The following CDK6 variants were observed in gnomAD, a reference collection of about 807,000 sequenced individuals.
CDK6 encodes the protein cyclin-dependent kinase 6.
CDK6 carries 6 observed loss-of-function variants against 37.1 expected under a neutral mutation model. The observed-to-expected ratio is 0.16, with a 90% CI of 0.09 to 0.32. CDK6 has a LOEUF of 0.32. Ranked by LOEUF, CDK6 falls within the 10% of genes least tolerant of loss-of-function variation. CDK6 has a pLI of 1.00. For missense variants in CDK6, 224 were observed against 418.9 expected (o/e 0.53, Z 4.06); for synonymous variants, 160 against 161.3 (o/e 0.99, Z 0.06).
chr7:92,644,578 A>C (rs1222751068), intron 5 of CDK6, among the ~76,000 whole-genome samples: 1 of 152,170 alleles, frequency 6.6e-6, no homozygotes, highest in Non-Finnish European at 1.5e-5. Flanking sequence ...GGCTTGTGAA[A>C]TCTGCTCCTG....
chr7:92,810,419 C>G (rs1800846023), intron 2 of CDK6, among the ~76,000 whole-genome samples: 2 of 152,344 alleles, frequency 1.3e-5, no homozygotes, highest in South Asian at 4.1e-4. Context: ...ACTCTGCCAG[C>G]AGACAGTTGA....
intron 4 of CDK6, among the ~76,000 whole-genome samples, chr7:92,672,361 C>T (rs1797110961): frequency 6.6e-6 from 1 of 151,340 alleles, no homozygotes; most frequent in South Asian, 2.1e-4. Context: ...AACCCCTCTC[C>T]ATGATGCTCT....
chr7:92,707,956 T>C lies in CDK6; in HGVS notation c.537+17670A>G, dbSNP rs996014545. Among the ~76,000 whole-genome samples, 4 of 152,288 alleles carry C rather than the reference T, an allele frequency of 2.6e-5. 1 individual carries two copies. The highest frequency in any genetic ancestry group is 2.6e-4 in the Admixed American group (4 of 15,280). ...TGAAATTTTTAGGCATATTTAGTTG[T>C]TTAAAAAATCCTCAAACTGAACAGA... On this transcript the variant is annotated intron_variant, in intron 4 of 7. Coordinates refer to ENST00000424848, the MANE Select transcript of CDK6 (RefSeq NM_001145306.2).
chr7:92,793,128 G>A (rs536287323), intron 2 of CDK6, among the ~76,000 whole-genome samples: 132 of 152,136 alleles, frequency 8.7e-4, no homozygotes, highest in African/African-American at 3.1e-3. Flanking sequence ...AAGGACATCC[G>A]TATTCATGGA....
intron 4 of CDK6, among the ~76,000 whole-genome samples, chr7:92,707,171 A>C (rs1232373485): frequency 1.3e-5 from 2 of 152,206 alleles, no homozygotes; most frequent in Admixed American, 6.5e-5. Flanking sequence ...CTATTACATA[A>C]TTTAATTATA....
rs574008632 is a variant in CDK6 at position 92,626,888 on chromosome 7, A to G, written c.648-3802T>C. On this transcript the variant is annotated intron_variant, in intron 5 of 7. Transcript: ENST00000424848. ...TAGTTTTAAATATTTTCCTTGTATAATAAAATTATATAAAACATTTCACTG... is the reference window on the plus strand; with the variant it reads ...TAGTTTTAAATATTTTCCTTGTATAGTAAAATTATATAAAACATTTCACTG... 2.0e-5 allele frequency among the ~76,000 whole-genome samples: 3 copies of G among 152,236 alleles called. 1 individual carries two copies. The South Asian group carries it at 6.2e-4, about 32-fold the overall frequency.
At chr7:92,764,043 T>C (rs1160355010) in intron 3 of CDK6, among the ~76,000 whole-genome samples, 1 of 152,054 alleles carries the variant, frequency 6.6e-6, no homozygotes, top group African/African-American at 2.4e-5. Flanking sequence ...TTGCAAAATC[T>C]GTTGGGTTTA....
chr7:92,625,532 C>CAAA (rs67461662), intron 5 of CDK6, among the ~76,000 whole-genome samples: 6 of 142,708 alleles, frequency 4.2e-5, no homozygotes, highest in Admixed American at 7.1e-5. Context: ...TGCAGTTTTG[C>CAAA]AAAAAAAAAC....
intron 7 of CDK6, among the ~76,000 whole-genome samples, chr7:92,616,696 G>A (rs937980090): frequency 6.6e-6 from 1 of 152,172 alleles, no homozygotes; most frequent in Admixed American, 6.5e-5. Flanking sequence ...TAGGAAAGAA[G>A]AGAAAAGAGC....
At chr7:92,785,235 A>C (rs373184273) in intron 2 of CDK6, among the ~76,000 whole-genome samples, 68 of 152,370 alleles carry the variant, frequency 4.5e-4, no homozygotes, top group African/African-American at 1.5e-3. Flanking sequence ...ACATGCTATG[A>C]CATGGATAAA....
At chr7:92,725,074 G>A (rs1285243865) in intron 4 of CDK6, 13 of 985,236 alleles carry the variant, frequency 1.3e-5, no homozygotes, top group South Asian at 4.7e-5. Context: ...CGTTGGGTTC[G>A]CTCTTTCTAT....
chr7:92,639,092 A>T (rs1285359573), intron 5 of CDK6, among the ~76,000 whole-genome samples: 1 of 152,190 alleles, frequency 6.6e-6, no homozygotes, highest in Non-Finnish European at 1.5e-5. Context: ...TATTTCATTC[A>T]ATGAATACAG....
At chr7:92,649,687 C>G (rs1304475747) in intron 5 of CDK6, among the ~76,000 whole-genome samples, 1 of 152,142 alleles carries the variant, frequency 6.6e-6, no homozygotes, top group African/African-American at 2.4e-5. Context: ...AACTGAGGCA[C>G]GGGTGGTTCT....
chr7:92,774,651 A>G (rs1799801772), intron 3 of CDK6, 45 bp downstream of exon 3: 15 of 1,524,916 alleles, frequency 9.8e-6, no homozygotes, highest in Non-Finnish European at 1.2e-5. Context: ...TTAACAGACT[A>G]TAATAGTCGA....
intron 5 of CDK6, among the ~76,000 whole-genome samples, chr7:92,650,751 G>GACAGTT (rs1403683291): frequency 6.6e-6 from 1 of 152,154 alleles, no homozygotes; most frequent in Non-Finnish European, 1.5e-5. Flanking sequence ...TGACAGCTGG[G>GACAGTT]GGCTGCCCAT....
At chr7:92,668,489 G>C (rs374052243) in intron 5 of CDK6, among the ~76,000 whole-genome samples, 11 of 152,164 alleles carry the variant, frequency 7.2e-5, no homozygotes, top group Non-Finnish European at 1.6e-4. Context: ...CAATGAAGGT[G>C]ATAAAGAAAG....
At chr7:92,825,756 A>G (rs1334363613) in intron 2 of CDK6, among the ~76,000 whole-genome samples, 1 of 152,176 alleles carries the variant, frequency 6.6e-6, no homozygotes, top group Non-Finnish European at 1.5e-5. Context: ...CAAGCAATTG[A>G]TCAAAATGTA....
Position 92,713,705 on chromosome 7 carries a change from G to T in CDK6, c.537+11921C>A, listed in dbSNP as rs1283243966. The stretch of plus-strand genomic sequence containing the variant: ...AAAAAAAAAGAACTAGTATCACTGA[G>T]ATCTTGTGCACTCTTGACAATATCC... On this transcript the variant is annotated intron_variant, in intron 4 of 7. Coordinates refer to ENST00000424848, the MANE Select transcript of CDK6 (RefSeq NM_001145306.2). Among the ~76,000 whole-genome samples, 9 of 146,770 alleles carry T rather than the reference G, an allele frequency of 6.1e-5. No homozygotes were observed. The East Asian group carries it at 1.6e-3, about 26-fold the overall frequency.
At position 92,704,815 on chromosome 7, in the gene CDK6, T is replaced by G. The variant is rs112778955; in HGVS notation, c.537+20811A>C. On this transcript the variant is annotated intron_variant, in intron 4 of 7. Coordinates refer to ENST00000424848, the MANE Select transcript of CDK6 (RefSeq NM_001145306.2). ...GAGTATTCCTGAATATGACTCTTGG[T>G]ACACATGTGCAGGAATTTCTCTAAG... Among the ~76,000 whole-genome samples, 1,048 of 152,320 alleles carry G rather than the reference T, an allele frequency of 6.9e-3. 14 individuals are homozygous for G. The highest frequency in any genetic ancestry group is 0.024 in the African/African-American group (1,004 of 41,558).
Sources: allele counts gnomAD v4.1 joint callset (sites outside exome capture counted in the v4.1 genomes callset), GRCh38; gene constraint gnomAD v4.1.1; transcripts MANE v1.5; gene names NCBI Gene and HGNC (gene_info 2026-07-23, HGNC 2026-07-21).